MIA2: variants seen among roughly 807,000 people sequenced by gnomAD.
MIA2 encodes melanoma inhibitory activity protein 2.
MIA2 carries 127 observed loss-of-function variants against 167.8 expected under a neutral mutation model. That is an observed-to-expected ratio of 0.76 (90% CI 0.66 to 0.88). MIA2 has a LOEUF of 0.88. Among genes scored for constraint, MIA2 ranks in the 40% least tolerant of loss-of-function variants. The pLI is 0.00. For synonymous variants in MIA2, 552 were observed against 541.9 expected, an observed-to-expected ratio of 1.02 and a Z score of -0.26; for missense variants, 1,690 against 1,624.7, an observed-to-expected ratio of 1.04 and a Z score of -0.69.
At chr14:39,253,238 A>C in intron 6 of MIA2, 67 bp downstream of exon 6, 1 of 1,581,722 alleles carries the variant, frequency 6.3e-7, no homozygotes, top group Non-Finnish European at 8.7e-7. Flanking sequence ...AGTGGCTACA[A>C]AATATGTTTG....
intron 3 of MIA2, among the ~76,000 whole-genome samples, chr14:39,243,913 C>T (rs560641339): frequency 5.6e-4 from 86 of 152,272 alleles, no homozygotes; most frequent in Non-Finnish European, 1.1e-3. Context: ...ACAGAGGAAA[C>T]TGTCCATTTT....
At chr14:39,333,371 G>T (rs10149352) in intron 25 of MIA2, among the ~76,000 whole-genome samples, 1 of 152,018 alleles carries the variant, frequency 6.6e-6, no homozygotes, top group Non-Finnish European at 1.5e-5. Context: ...TATTAGTTCA[G>T]TTATTTTTGC....
Position 39,288,449 on chromosome 14 carries a change from A to ATTTTTTTT in MIA2, c.2131-2569_2131-2568insTTTTTTTT. ...ATATTATACATATATATATATATAT[A>ATTTTTTTT]TATATATATATATATATATATATAT... On this transcript the variant is annotated intron_variant, in intron 9 of 28. Transcript: ENST00000640607. Among the ~76,000 whole-genome samples, 7 of 4,368 alleles carry ATTTTTTTT rather than the reference A, an allele frequency of 1.6e-3. 1 individual carries two copies. The highest frequency in any genetic ancestry group is 4.0e-3 in the East Asian group (1 of 250). 2.9% of individuals were successfully genotyped at this position (4,368 alleles called of 152,430 possible). A position where few individuals can be genotyped will look rare whatever the true frequency, so the allele number is the denominator to read the frequency against.
At chr14:39,381,328 A>G (rs922888837) in intron 23 of MIA2, among the ~76,000 whole-genome samples, 1 of 152,254 alleles carries the variant, frequency 6.6e-6, no homozygotes, top group Admixed American at 6.5e-5. Flanking sequence ...GAAAGAAAGC[A>G]TAAAGGCCTT....
At chr14:39,365,031 A>G (rs1423511974) in intron 23 of MIA2, among the ~76,000 whole-genome samples, 2 of 151,778 alleles carry the variant, frequency 1.3e-5, no homozygotes, top group Non-Finnish European at 2.9e-5. Context: ...ATTTTATTAA[A>G]TAGGTTTTCT....
At chr14:39,360,146 A>T (rs1346782366) in intron 23 of MIA2, among the ~76,000 whole-genome samples, 1 of 152,152 alleles carries the variant, frequency 6.6e-6, no homozygotes, top group Non-Finnish European at 1.5e-5. Context: ...TACTAAAAAT[A>T]CAAAAATTAT....
chr14:39,280,359 G>T (rs191856855), intron 9 of MIA2, among the ~76,000 whole-genome samples: 146 of 151,800 alleles, frequency 9.6e-4, no homozygotes, highest in Non-Finnish European at 1.2e-3. Flanking sequence ...TTGTGGGCAT[G>T]TATTTTCATT....
chr14:39,314,207 G>A (rs2064897902), intron 19 of MIA2, among the ~76,000 whole-genome samples: 1 of 152,026 alleles, frequency 6.6e-6, no homozygotes, highest in Non-Finnish European at 1.5e-5. Context: ...TCAACATGAT[G>A]AAACCCCATC....
Position 39,317,988 on chromosome 14 carries a change from A to G in MIA2, c.3261A>G (p.Lys1087=). The change falls in exon 22 of 29, where the codon AAA becomes AAG. Residue 1087 remains lysine, a synonymous_variant. Transcript: ENST00000640607. ...AAAGAAACCTCAATGATTTAAGGAA[A>G]GAAAATGCTCACAACAGACAAAAGT... ...NAERNLNDLR[K]ENAHNRQKLT... is the part of the protein sequence containing the mutation. 6.3e-7 allele frequency: 1 copy of G among 1,584,106 alleles called. No homozygotes were observed. Among genetic ancestry groups the G allele is most frequent in the Non-Finnish European group, 8.6e-7 (1 of 1,169,090 alleles).
chr14:39,338,261 TTACAA>T (rs1178369362), intron 25 of MIA2, among the ~76,000 whole-genome samples: 1 of 152,234 alleles, frequency 6.6e-6, no homozygotes, highest in Admixed American at 6.5e-5. Context: ...TTTCTGGCTG[TTACAA>T]TACACTATAG....
intron 9 of MIA2, among the ~76,000 whole-genome samples, chr14:39,286,627 G>A (rs990667671): frequency 1.7e-4 from 25 of 151,454 alleles, no homozygotes; most frequent in African/African-American, 4.6e-4. Flanking sequence ...TGTCATCTGC[G>A]AACAGATAAT....
At chr14:39,319,372 G>A (rs924399458) in intron 23 of MIA2, 81 bp downstream of exon 23, 1 of 627,156 alleles carries the variant, frequency 1.6e-6, no homozygotes, top group Non-Finnish European at 2.4e-6. Context: ...TTCTATTAGT[G>A]TAAGTTAACA....
intron 25 of MIA2, among the ~76,000 whole-genome samples, chr14:39,340,358 T>C (rs1426389536): frequency 6.6e-6 from 1 of 152,222 alleles, no homozygotes; most frequent in Admixed American, 6.5e-5. Context: ...AAAACTCTTT[T>C]TCTTAAAGAG....
chr14:39,352,086 T>C (rs1259361139), downstream of MIA2, among the ~76,000 whole-genome samples: 1 of 152,166 alleles, frequency 6.6e-6, no homozygotes, highest in Non-Finnish European at 1.5e-5. Flanking sequence ...AGGCCAGGTA[T>C]ACAATTTCCC....
At chr14:39,358,827 T>A (rs1253205951) in intron 23 of MIA2, among the ~76,000 whole-genome samples, 1 of 152,212 alleles carries the variant, frequency 6.6e-6, no homozygotes, top group Non-Finnish European at 1.5e-5. Flanking sequence ...CTCCAGACCC[T>A]GTTTGCCTGG....
rs2152627523 is a variant in MIA2, at chr14:39,247,015, T to C, written c.441T>C (p.Asp147=). ...AAAATATATATCCTTATGAAGAAGATAAAGATGAAAAATCTAGTATATATG... is the reference window on the plus strand; with the variant it reads ...AAAATATATATCCTTATGAAGAAGACAAAGATGAAAAATCTAGTATATATG... ...YGENIYPYEE[D]KDEKSSIYES... Residue 147 remains aspartate, a synonymous_variant, in exon 4 of 29, where the codon GAT becomes GAC. Coordinates refer to ENST00000640607, the MANE Select transcript of MIA2 (RefSeq NM_001329214.4). 6.3e-7 allele frequency: 1 copy of C among 1,591,160 alleles called. No individual in the cohort carries two copies. The highest frequency in any genetic ancestry group is 8.5e-7 in the Non-Finnish European group (1 of 1,172,168).
intron 24 of MIA2, among the ~76,000 whole-genome samples, chr14:39,325,327 C>G (rs976716724): frequency 2.0e-5 from 3 of 151,220 alleles, no homozygotes; most frequent in Non-Finnish European, 4.4e-5. Context: ...CTCTCAATGA[C>G]AGATAAATGA....
chr14:39,337,238 T>G (rs987003362), intron 25 of MIA2, among the ~76,000 whole-genome samples: 1 of 152,168 alleles, frequency 6.6e-6, no homozygotes, highest in Non-Finnish European at 1.5e-5. Flanking sequence ...CAAGAAGATA[T>G]AGCAAATGTT....
At chr14:39,298,279 CCTT>C (rs753986029) in intron 13 of MIA2, among the ~76,000 whole-genome samples, 4 of 151,574 alleles carry the variant, frequency 2.6e-5, no homozygotes, top group Non-Finnish European at 5.9e-5. Flanking sequence ...CTAATGCACT[CCTT>C]CTCTAATGTT....
Sources: allele counts gnomAD v4.1 joint callset (sites outside exome capture counted in the v4.1 genomes callset), GRCh38; gene constraint gnomAD v4.1.1; transcripts MANE v1.5; gene names NCBI Gene and HGNC (gene_info 2026-07-23, HGNC 2026-07-21).